The following PCDH15 variants were observed in gnomAD, a reference collection of about 807,000 sequenced individuals.
The protein encoded by PCDH15 is protocadherin-15.
A neutral mutation model predicts 178.5 loss-of-function variants in PCDH15; 129 were observed. That is an observed-to-expected ratio of 0.72 (90% CI 0.63 to 0.84). The LOEUF is 0.84. PCDH15 is among the 40% of genes least tolerant of loss of function. The pLI is 0.00. For missense variants in PCDH15, 2,230 were observed against 2,099.9 expected (o/e 1.06, Z -1.21); for synonymous variants, 800 against 732.0 (o/e 1.09, Z -1.50).
At chr10:54,371,056 G>A (rs1287559996) in intron 4 of PCDH15, among the ~76,000 whole-genome samples, 1 of 151,828 alleles carries the variant, frequency 6.6e-6, no homozygotes, top group Admixed American at 6.6e-5. Context: ...TTAAAATCAT[G>A]TGTATAAAAT....
chr10:54,989,023 C>T (rs1027272178), intron 2 of PCDH15, among the ~76,000 whole-genome samples: 2 of 152,202 alleles, frequency 1.3e-5, no homozygotes, highest in African/African-American at 4.8e-5. Context: ...TGCAACCCAG[C>T]CACTCTGGCC....
At chr10:54,972,455 G>A (rs994499253) in intron 2 of PCDH15, among the ~76,000 whole-genome samples, 2 of 151,962 alleles carry the variant, frequency 1.3e-5, no homozygotes, top group East Asian at 3.9e-4. Context: ...CAGGAGAATC[G>A]CTTGAACCTG....
At chr10:55,127,206 T>C (rs1278368533) in intron 2 of PCDH15, among the ~76,000 whole-genome samples, 1 of 152,084 alleles carries the variant, frequency 6.6e-6, no homozygotes, top group Non-Finnish European at 1.5e-5. Flanking sequence ...ATGCCAGAAC[T>C]TCCCCTTTCT....
At chr10:55,297,575 T>G (rs759679978) in intron 1 of PCDH15, among the ~76,000 whole-genome samples, 2 of 152,132 alleles carry the variant, frequency 1.3e-5, no homozygotes, top group Non-Finnish European at 2.9e-5. Flanking sequence ...TGGTTGTAAT[T>G]TAAGCACATG....
intron 2 of PCDH15, among the ~76,000 whole-genome samples, chr10:55,478,199 A>G (rs572961829): frequency 6.6e-6 from 1 of 151,946 alleles, no homozygotes; most frequent in South Asian, 2.1e-4. Flanking sequence ...ATGGAGAGCT[A>G]GAATGCAATG....
At chr10:54,305,719 C>T (rs979459633) in intron 8 of PCDH15, among the ~76,000 whole-genome samples, 1 of 151,784 alleles carries the variant, frequency 6.6e-6, no homozygotes, top group African/African-American at 2.4e-5. Context: ...TTGAGGGAAC[C>T]TATTACAGAC....
At chr10:54,692,233 A>G (rs1467419655) in intron 1 of PCDH15, among the ~76,000 whole-genome samples, 1 of 152,132 alleles carries the variant, frequency 6.6e-6, no homozygotes, top group East Asian at 1.9e-4. Context: ...TATATTTCCA[A>G]TTCTTACCTG....
At chr10:54,564,077 C>T (rs1590138777) in intron 2 of PCDH15, among the ~76,000 whole-genome samples, 1 of 151,964 alleles carries the variant, frequency 6.6e-6, no homozygotes, top group Non-Finnish European at 1.5e-5. Flanking sequence ...TAAAGAATTA[C>T]CCCCAATTAA....
chr10:55,578,254 A>G (rs1274550051), intron 2 of PCDH15, among the ~76,000 whole-genome samples: 2 of 151,904 alleles, frequency 1.3e-5, no homozygotes, highest in Non-Finnish European at 2.9e-5. Context: ...GTCTCACTCT[A>G]TCACCCAGGC....
chr10:54,764,083 AAAGT>A (rs770979555), intron 1 of PCDH15, among the ~76,000 whole-genome samples: 13 of 152,068 alleles, frequency 8.5e-5, no homozygotes, highest in Admixed American at 2.6e-4. Flanking sequence ...ACTAGAATAG[AAAGT>A]AAGGCAAAGA....
Position 53,959,642 on chromosome 10 carries a change from C to G in PCDH15, c.3122+90G>C. On this transcript the variant is annotated intron_variant, in intron 23 of 37. Transcript: ENST00000644397. The stretch of plus-strand genomic sequence containing the variant: ...CCTAAACCAAAATTGGAAGTCTACT[C>G]ATAAATTCATATTACATCAATTTTG... 5 of 982,230 alleles carry G rather than the reference C, an allele frequency of 5.1e-6. No homozygotes were observed. The South Asian group carries it at 5.6e-5, about 11-fold the overall frequency. 60.8% of individuals were successfully genotyped at this position (982,230 alleles called of 1,614,324 possible).
chr10:55,492,943 T>C (rs188888700), intron 2 of PCDH15, among the ~76,000 whole-genome samples: 47 of 151,830 alleles, frequency 3.1e-4, no homozygotes, highest in African/African-American at 1.1e-3. Context: ...TCACTAGATG[T>C]TGTTATCAGT....
At chr10:54,621,861 G>A (rs1292299322) in intron 2 of PCDH15, among the ~76,000 whole-genome samples, 1 of 152,044 alleles carries the variant, frequency 6.6e-6, no homozygotes, top group African/African-American at 2.4e-5. Flanking sequence ...GTATTTGTCA[G>A]CGATGTTGTA....
intron 2 of PCDH15, among the ~76,000 whole-genome samples, chr10:55,452,459 C>A (rs553430688): frequency 1.3e-5 from 2 of 152,216 alleles, no homozygotes; most frequent in African/African-American, 2.4e-5. Context: ...GCTTATGTTC[C>A]AATTTTGTTA....
rs1243436079 is a variant in PCDH15, at chr10:53,827,410, T to C, written c.4350A>G (p.Glu1450=). Residue 1450 remains glutamate, a synonymous_variant, in exon 32 of 38, where the codon GAA becomes GAG. Coordinates refer to ENST00000644397, the MANE Select transcript of PCDH15 (RefSeq NM_001384140.1). ...PPPPGAHLYE[E]LGDSSIWSFC... is the part of the protein sequence containing the mutation. ...CTACTTACATTGAGCTGTCTCCAAGTTCTTCATAGAGATGCGCACCTGGCG... is the reference window on the plus strand; with the variant it reads ...CTACTTACATTGAGCTGTCTCCAAGCTCTTCATAGAGATGCGCACCTGGCG... 5 of 1,612,758 alleles carry C rather than the reference T, an allele frequency of 3.1e-6. No homozygotes were observed. The East Asian group carries it at 1.1e-4, about 36-fold the overall frequency.
At chr10:55,147,153 T>C (rs1591941208) in intron 2 of PCDH15, among the ~76,000 whole-genome samples, 1 of 151,516 alleles carries the variant, frequency 6.6e-6, no homozygotes, top group Non-Finnish European at 1.5e-5. Context: ...ACAATATAAA[T>C]AGAATATATT....
chr10:53,886,068 T>G (rs1388828627), intron 26 of PCDH15, among the ~76,000 whole-genome samples: 1 of 152,122 alleles, frequency 6.6e-6, no homozygotes, highest in African/African-American at 2.4e-5. Flanking sequence ...ACATTTTGAT[T>G]TTGAGATTAC....
chr10:55,010,669 A>G (rs1840027084), intron 2 of PCDH15, among the ~76,000 whole-genome samples: 1 of 152,136 alleles, frequency 6.6e-6, no homozygotes, highest in Non-Finnish European at 1.5e-5. Flanking sequence ...TTTCATCTAA[A>G]GAAGCTGAAG....
At chr10:54,234,409 G>T (rs1458109837) in intron 9 of PCDH15, among the ~76,000 whole-genome samples, 1 of 152,016 alleles carries the variant, frequency 6.6e-6, no homozygotes, top group Admixed American at 6.6e-5. Context: ...GAATAATCTG[G>T]TCAGGTAGTG....
Sources: gnomAD v4.1 joint callset for allele counts (sites outside exome capture counted in the v4.1 genomes callset) on GRCh38, gnomAD v4.1.1 for gene constraint, MANE v1.5 for transcripts, NCBI Gene and HGNC (gene_info 2026-07-23, HGNC 2026-07-21) for gene names.